ZNF385D: variants seen among roughly 807,000 people sequenced by gnomAD.
The protein encoded by ZNF385D is zinc finger protein 385D, also known as zinc finger protein 659.
In ZNF385D, 15 loss-of-function variants were observed where a neutral mutation model predicts 35.8. The ratio of observed to expected loss-of-function variants is 0.42; its 90% confidence interval spans 0.28 to 0.64. ZNF385D has a LOEUF of 0.64. Among genes scored for constraint, ZNF385D ranks in the 30% least tolerant of loss-of-function variants. The pLI, the probability that ZNF385D is intolerant of heterozygous loss-of-function variation, is 0.23. For synonymous variants in ZNF385D, 212 were observed against 186.8 expected (o/e 1.13, Z -1.10); for missense variants, 474 against 494.6 (o/e 0.96, Z 0.39).
At chr3:21,655,210 A>G (rs2066038621) in intron 2 of ZNF385D, among the ~76,000 whole-genome samples, 1 of 151,954 alleles carries the variant, frequency 6.6e-6, no homozygotes, top group Non-Finnish European at 1.5e-5. Flanking sequence ...TGTTTCTCCT[A>G]ACCTTCAACA....
intron 3 of ZNF385D, among the ~76,000 whole-genome samples, chr3:22,141,080 C>A (rs956159176): frequency 2.0e-5 from 3 of 152,088 alleles, no homozygotes; most frequent in Non-Finnish European, 4.4e-5. Flanking sequence ...TACTGTAGCC[C>A]ATTTGAAAGC....
chr3:21,798,908 A>G (rs903871453), intron 3 of ZNF385D, among the ~76,000 whole-genome samples: 1 of 152,208 alleles, frequency 6.6e-6, no homozygotes, highest in African/African-American at 2.4e-5. Context: ...TAGTTAAAAA[A>G]TATTTTCATC....
At chr3:22,288,656 G>A (rs1702145324) in intron 2 of ZNF385D, among the ~76,000 whole-genome samples, 2 of 152,054 alleles carry the variant, frequency 1.3e-5, no homozygotes, top group African/African-American at 4.8e-5. Context: ...ACCTCAGTGA[G>A]TATTTTTATG....
intron 1 of ZNF385D, among the ~76,000 whole-genome samples, chr3:21,726,815 A>G (rs963987370): frequency 2.0e-5 from 3 of 152,210 alleles, no homozygotes; most frequent in African/African-American, 4.8e-5. Flanking sequence ...GAATAGGAGA[A>G]AACTGCTTTA....
At chr3:21,449,234 C>G (rs1702324301) in intron 4 of ZNF385D, among the ~76,000 whole-genome samples, 1 of 151,336 alleles carries the variant, frequency 6.6e-6, no homozygotes, top group Non-Finnish European at 1.5e-5. Context: ...ACCATCTATA[C>G]TGGCCATTCT....
chr3:22,190,773 G>A (rs1695965354), intron 2 of ZNF385D, among the ~76,000 whole-genome samples: 1 of 151,968 alleles, frequency 6.6e-6, no homozygotes, highest in African/African-American at 2.4e-5. Context: ...TGTAACAAAG[G>A]TACAGGCTAT....
chr3:22,310,724 A>G (rs1703492647), intron 2 of ZNF385D, among the ~76,000 whole-genome samples: 1 of 151,926 alleles, frequency 6.6e-6, no homozygotes, highest in Non-Finnish European at 1.5e-5. Context: ...AAAATCTGGA[A>G]GTGAAAATTA....
At chr3:21,867,581 CTATT>C (rs980205592) in intron 3 of ZNF385D, among the ~76,000 whole-genome samples, 1 of 152,278 alleles carries the variant, frequency 6.6e-6, no homozygotes, top group East Asian at 1.9e-4. Flanking sequence ...TGTATTTACT[CTATT>C]TATGTTTACA....
chr3:21,712,324 A>C (rs1256414271), intron 1 of ZNF385D, among the ~76,000 whole-genome samples: 9 of 152,176 alleles, frequency 5.9e-5, no homozygotes, highest in Admixed American at 5.2e-4. Flanking sequence ...TGCCCATTTA[A>C]GCCAGGTGCC....
intron 3 of ZNF385D, among the ~76,000 whole-genome samples, chr3:21,999,904 A>G (rs112790713): frequency 6.6e-6 from 1 of 152,178 alleles, no homozygotes; most frequent in African/African-American, 2.4e-5. Context: ...GTGAAGGCAA[A>G]GAGAAACTAT....
At chr3:22,300,320 C>T (rs1702828075) in intron 2 of ZNF385D, among the ~76,000 whole-genome samples, 1 of 151,082 alleles carries the variant, frequency 6.6e-6, no homozygotes, top group African/African-American at 2.4e-5. Context: ...AGTGTAAAGC[C>T]AGAGACTATA....
intron 3 of ZNF385D, among the ~76,000 whole-genome samples, chr3:22,123,837 G>A (rs1703240737): frequency 6.6e-6 from 1 of 151,364 alleles, no homozygotes; most frequent in Non-Finnish European, 1.5e-5. Flanking sequence ...ACTCCAGCCT[G>A]GGCAACAAGA....
At chr3:21,925,739 G>C (rs924166140) in intron 3 of ZNF385D, among the ~76,000 whole-genome samples, 2 of 152,018 alleles carry the variant, frequency 1.3e-5, no homozygotes, top group Admixed American at 1.3e-4. Context: ...AAAATGATTA[G>C]TATCTAGAAT....
chr3:22,208,639 C>T (rs570450574), intron 2 of ZNF385D, among the ~76,000 whole-genome samples: 1 of 151,582 alleles, frequency 6.6e-6, no homozygotes, highest in South Asian at 2.1e-4. Context: ...GATTATTACA[C>T]ATTATTTGCC....
intron 3 of ZNF385D, among the ~76,000 whole-genome samples, chr3:22,081,210 A>G (rs570735179): frequency 1.1e-4 from 17 of 152,288 alleles, no homozygotes; most frequent in African/African-American, 3.9e-4. Flanking sequence ...GCAACTTATT[A>G]AAATTTTGCC....
intron 2 of ZNF385D, among the ~76,000 whole-genome samples, chr3:22,339,327 T>C (rs1559528842): frequency 6.6e-6 from 1 of 152,200 alleles, no homozygotes; most frequent in Non-Finnish European, 1.5e-5. Flanking sequence ...ACATAGCTAA[T>C]ATCATTTTCT....
chr3:22,331,745 A>C lies in ZNF385D; in HGVS notation c.106+40705T>G, dbSNP rs1694944772. 2.0e-5 allele frequency among the ~76,000 whole-genome samples: 3 copies of C among 152,242 alleles called. No homozygotes were observed. The South Asian group carries it at 6.2e-4, about 32-fold the overall frequency. ...ATATATTTGCTAGGGATTTCTTGAG[A>C]AGCTCTATTGATTCACCCGTTTGTT... On this transcript the variant is annotated intron_variant, in intron 2 of 5. Transcript: ENST00000494108.
intron 3 of ZNF385D, among the ~76,000 whole-genome samples, chr3:22,015,681 C>G (rs1696843970): frequency 6.6e-6 from 1 of 152,134 alleles, no homozygotes. Context: ...ATTACGGAAG[C>G]CATCTGGCTC....
At chr3:22,029,784 G>A (rs1438659801) in intron 3 of ZNF385D, among the ~76,000 whole-genome samples, 1 of 152,064 alleles carries the variant, frequency 6.6e-6, no homozygotes, top group Non-Finnish European at 1.5e-5. Flanking sequence ...TATTATGTTA[G>A]GCGTAATTAT....
Sources: gnomAD v4.1 joint callset for allele counts (sites outside exome capture counted in the v4.1 genomes callset) on GRCh38, gnomAD v4.1.1 for gene constraint, MANE v1.5 for transcripts, NCBI Gene and HGNC (gene_info 2026-07-23, HGNC 2026-07-21) for gene names.